The following EBF1 variants were observed in gnomAD, a reference collection of about 807,000 sequenced individuals.
EBF1 encodes transcription factor COE1.
Under a neutral mutation model 68.4 loss-of-function variants are expected in EBF1, and 10 were observed. That is an observed-to-expected ratio of 0.15 (90% confidence interval 0.09 to 0.25). The LOEUF (loss-of-function observed/expected upper bound fraction) is 0.25. Ranked by LOEUF, EBF1 falls within the 10% of genes least tolerant of loss-of-function variation. The pLI is 1.00. For missense variants in EBF1, 509 were observed against 794.4 expected, an observed-to-expected ratio of 0.64 and a Z score of 4.32; for synonymous variants, 298 against 299.8, an observed-to-expected ratio of 0.99 and a Z score of 0.06.
chr5:158,942,032 T>C (rs1055431760), intron 6 of EBF1, among the ~76,000 whole-genome samples: 1 of 152,178 alleles, frequency 6.6e-6, no homozygotes, highest in African/African-American at 2.4e-5. Context: ...TTTATAAATA[T>C]GCAATATTCT....
chr5:159,099,819 C>CT lies in EBF1; in HGVS notation c.-342dup, dbSNP rs1022658984. ...TTTGGGTGCTTTTTTTTTTTTTTTG[C>CT]TTTTTTTTTTTTTTTTTTGTAATGA... is the stretch of plus-strand genomic sequence containing the variant. On this transcript the variant is annotated 5_prime_UTR_variant, in exon 1 of 16. Coordinates refer to ENST00000313708, the MANE Select transcript of EBF1 (RefSeq NM_024007.5). The CT allele has an allele frequency of 0.11, 4,286 of 40,796 alleles. 644 individuals are homozygous for CT. The highest frequency in any genetic ancestry group is 0.14 in the Non-Finnish European group (2,895 of 21,340). The allele number at this position is 40,796 out of a possible 1,614,324, so 2.5% of individuals were successfully genotyped here. A position where few individuals can be genotyped will look rare whatever the true frequency, so the allele number is the denominator to read the frequency against.
chr5:158,787,898 T>A (rs982660578), intron 9 of EBF1, among the ~76,000 whole-genome samples: 1 of 152,202 alleles, frequency 6.6e-6, no homozygotes, highest in African/African-American at 2.4e-5. Context: ...ACACAACAAT[T>A]ATATCTAAAT....
chr5:159,064,300 A>C (rs1464842296), intron 6 of EBF1, among the ~76,000 whole-genome samples: 1 of 152,232 alleles, frequency 6.6e-6, no homozygotes, highest in East Asian at 1.9e-4. Flanking sequence ...GATAGCAAGA[A>C]AAATGAAATA....
chr5:159,025,463 G>A (rs377619738), intron 6 of EBF1, among the ~76,000 whole-genome samples: 20 of 152,116 alleles, frequency 1.3e-4, no homozygotes, highest in African/African-American at 1.9e-4. Flanking sequence ...TGTTTTTCCC[G>A]CACTGTGTAT....
rs538901818 is a variant in EBF1, at chr5:159,036,277, C to T, written c.554+37119G>A. ...GCCATCCCCATCAAGCTACCAAGGA[C>T]TTCCTTCACAGAATTGGAAAAAACT... On this transcript the variant is annotated intron_variant, in intron 6 of 15. Transcript: ENST00000313708. Among the ~76,000 whole-genome samples, 9 of 152,318 alleles carry T rather than the reference C, an allele frequency of 5.9e-5. No individual in the cohort carries two copies. The South Asian group carries it at 1.7e-3, about 28-fold the overall frequency.
Position 158,961,148 on chromosome 5 carries a change from GGTACAA to G in EBF1, c.554+112242_554+112247del, listed in dbSNP as rs1266200368. 3.9e-5 allele frequency among the ~76,000 whole-genome samples: 6 copies of G among 152,190 alleles called. No individual in the cohort carries two copies. In the East Asian group the frequency reaches 7.7e-4, roughly 20 times the overall value. ...ATACTATATTTCAGTTTACCAAGTT[GGTACAA>G]GTTTCTAAATGAGGTCCTTTGAGGA... On this transcript the variant is annotated intron_variant, in intron 6 of 15. Transcript: ENST00000313708.
intron 7 of EBF1, among the ~76,000 whole-genome samples, chr5:158,837,826 T>C (rs1296455310): frequency 2.1e-4 from 32 of 152,288 alleles, no homozygotes; most frequent in Non-Finnish European, 1.8e-4. Context: ...GCAGAGTTAA[T>C]CCTGGTATAC....
rs549165959 is a variant in EBF1, at chr5:158,972,885, T to C, written c.554+100511A>G. Reference sequence around the variant, plus strand: ...CTCCCTGCAGGGCCTCACACTGCCTTTCCTGCCCTGTGTTTGCTTCCCCTA... The same window carrying C: ...CTCCCTGCAGGGCCTCACACTGCCTCTCCTGCCCTGTGTTTGCTTCCCCTA... On this transcript the variant is annotated intron_variant, in intron 6 of 15. Transcript: ENST00000313708. Among the ~76,000 whole-genome samples, 4 of 152,308 alleles carry C rather than the reference T, an allele frequency of 2.6e-5. No individual in the cohort carries two copies. The South Asian group carries it at 8.3e-4, about 32-fold the overall frequency.
chr5:158,910,478 T>C (rs1267136588), intron 6 of EBF1, among the ~76,000 whole-genome samples: 2 of 152,262 alleles, frequency 1.3e-5, no homozygotes, highest in African/African-American at 2.4e-5. Flanking sequence ...TGAAAATGTT[T>C]CAGAGAACTG....
intron 6 of EBF1, among the ~76,000 whole-genome samples, chr5:158,861,693 T>TA (rs1216866155): frequency 5.3e-5 from 8 of 152,322 alleles, no homozygotes; most frequent in African/African-American, 1.9e-4. Flanking sequence ...AGTTTGACTT[T>TA]AGCAGTTCCC....
intron 11 of EBF1, among the ~76,000 whole-genome samples, chr5:158,729,735 G>C (rs897837076): frequency 2.0e-5 from 3 of 152,236 alleles, no homozygotes; most frequent in African/African-American, 7.2e-5. Context: ...TGGAAGTGAG[G>C]TTGTTCTTGG....
chr5:159,027,005 A>C (rs941336512), intron 6 of EBF1, among the ~76,000 whole-genome samples: 2 of 152,110 alleles, frequency 1.3e-5, no homozygotes, highest in Non-Finnish European at 2.9e-5. Flanking sequence ...AGCCCCACCC[A>C]GTTGGCTTTT....
intron 5 of EBF1, among the ~76,000 whole-genome samples, chr5:159,079,648 G>A: frequency 7.7e-6 from 1 of 129,036 alleles, no homozygotes; most frequent in Non-Finnish European, 1.5e-5. Flanking sequence ...GTCTCGCTCT[G>A]TCACCCAGGC....
intron 6 of EBF1, among the ~76,000 whole-genome samples, chr5:158,884,546 G>C (rs1343927207): frequency 6.6e-6 from 1 of 152,136 alleles, no homozygotes; most frequent in African/African-American, 2.4e-5. Context: ...CTCAGGACAG[G>C]GGAAAGTTGA....
intron 10 of EBF1, among the ~76,000 whole-genome samples, chr5:158,741,113 T>C (rs928093689): frequency 1.3e-5 from 2 of 152,376 alleles, no homozygotes. Context: ...AATTTACTAG[T>C]GAAACATGTG....
In EBF1 at chr5:158,941,598, G is replaced by A. The variant is rs1238166769; in HGVS notation, c.555-101488C>T. On this transcript the variant is annotated intron_variant, in intron 6 of 15. Coordinates refer to ENST00000313708, the MANE Select transcript of EBF1 (RefSeq NM_024007.5). Reference sequence around the variant, plus strand: ...TTAAGATCTAGATGCTAGAACCCAAGATCTTAACCATTTTGTTATGCTATT... The same window carrying A: ...TTAAGATCTAGATGCTAGAACCCAAAATCTTAACCATTTTGTTATGCTATT... 4.6e-5 allele frequency among the ~76,000 whole-genome samples: 7 copies of A among 152,286 alleles called. No homozygotes were observed. The East Asian group carries it at 9.6e-4, about 21-fold the overall frequency.
At chr5:159,032,860 T>G (rs369323644) in intron 6 of EBF1, among the ~76,000 whole-genome samples, 1 of 152,168 alleles carries the variant, frequency 6.6e-6, no homozygotes. Context: ...AGTCATTTTG[T>G]TAACTATGTT....
At chr5:158,954,295 G>C (rs1271374378) in intron 6 of EBF1, among the ~76,000 whole-genome samples, 3 of 152,194 alleles carry the variant, frequency 2.0e-5, no homozygotes, top group African/African-American at 7.2e-5. Flanking sequence ...GCAGTAGGCC[G>C]TTTACCCAGG....
chr5:159,027,342 C>T (rs1167012362), intron 6 of EBF1, among the ~76,000 whole-genome samples: 1 of 152,174 alleles, frequency 6.6e-6, no homozygotes, highest in East Asian at 1.9e-4. Flanking sequence ...AACCCTTACT[C>T]CTCCAAGTTA....
Sources: gnomAD v4.1 joint callset for allele counts (sites outside exome capture counted in the v4.1 genomes callset) on GRCh38, gnomAD v4.1.1 for gene constraint, MANE v1.5 for transcripts, NCBI Gene and HGNC (gene_info 2026-07-23, HGNC 2026-07-21) for gene names.